AKR1C2: variants seen among roughly 807,000 people sequenced by gnomAD.
AKR1C2 encodes the protein aldo-keto reductase family 1 member C2.
A neutral mutation model predicts 39.8 loss-of-function variants in AKR1C2; 27 were observed. The ratio of observed to expected loss-of-function variants is 0.68; its 90% confidence interval spans 0.50 to 0.93. The LOEUF is 0.93. AKR1C2 is among the 40% of genes least tolerant of loss of function. The pLI, the probability that AKR1C2 is intolerant of heterozygous loss-of-function variation, is 0.00. For synonymous variants in AKR1C2, 114 were observed against 137.9 expected (o/e 0.83, Z 1.22); for missense variants, 263 against 365.1 (o/e 0.72, Z 2.28).
intron 1 of AKR1C2, among the ~76,000 whole-genome samples, chr10:5,016,083 G>A (rs1413952274): frequency 1.3e-5 from 2 of 152,154 alleles, no homozygotes; most frequent in Non-Finnish European, 2.9e-5. Context: ...TTCCCCAACA[G>A]TGGGAACTAG....
chr10:4,993,325 C>A (rs1554772467), intron 7 of AKR1C2, among the ~76,000 whole-genome samples: 1 of 151,912 alleles, frequency 6.6e-6, no homozygotes, highest in African/African-American at 2.4e-5. Context: ...GGAAGAGAGG[C>A]CAGATAATTG....
chr10:5,008,929 G>A, upstream of AKR1C2, among the ~76,000 whole-genome samples: 1 of 152,178 alleles, frequency 6.6e-6, no homozygotes, highest in Non-Finnish European at 1.5e-5. Flanking sequence ...GGTTCTATGT[G>A]AACAAAAAGG....
chr10:5,010,962 C>G (rs1188432051), intron 1 of AKR1C2, among the ~76,000 whole-genome samples: 1 of 150,182 alleles, frequency 6.7e-6, no homozygotes, highest in East Asian at 2.0e-4. Flanking sequence ...GGAACTCAGA[C>G]TAAGATTTCA....
rs1239521782 is a variant in AKR1C2 at position 4,989,092 on chromosome 10, G to A, written c.*904C>T. On this transcript the variant is annotated 3_prime_UTR_variant, in exon 9 of 9. Coordinates refer to ENST00000380753, the MANE Select transcript of AKR1C2 (RefSeq NM_001393392.1). Reference sequence around the variant, plus strand: ...TAAAGTATAAAACATTTAAAAGATTGCATATAACAAATGAACAGTACATTT... The same window carrying A: ...TAAAGTATAAAACATTTAAAAGATTACATATAACAAATGAACAGTACATTT... 6.6e-6 allele frequency: 1 copy of A among 152,062 alleles called. No homozygotes were observed. The highest frequency in any genetic ancestry group is 1.5e-5 in the Non-Finnish European group (1 of 68,020). The allele number at this position is 152,062 out of a possible 1,614,324, so 9.4% of individuals were successfully genotyped here.
chr10:5,010,253 C>T (rs1293354496), intron 1 of AKR1C2: 1 of 151,828 alleles, frequency 6.6e-6, no homozygotes, highest in Non-Finnish European at 1.5e-5. Context: ...CATCTCCATG[C>T]TCCCCCTCCC....
chr10:4,989,405 T>C lies in AKR1C2; in HGVS notation c.*591A>G, dbSNP rs1474354643. ...TAGCCTTCCCATACCTGACTTCTAATCACTTTTCCTGGTGCCCTCCCATCT... is the reference window on the plus strand; with the variant it reads ...TAGCCTTCCCATACCTGACTTCTAACCACTTTTCCTGGTGCCCTCCCATCT... On this transcript the variant is annotated 3_prime_UTR_variant, in exon 9 of 9. Coordinates refer to ENST00000380753, the MANE Select transcript of AKR1C2 (RefSeq NM_001393392.1). 2 of 151,548 alleles carry C rather than the reference T, an allele frequency of 1.3e-5. No individual in the cohort carries two copies. The highest frequency in any genetic ancestry group is 2.9e-5 in the Non-Finnish European group (2 of 67,988). 9.4% of individuals were successfully genotyped at this position (151,548 alleles called of 1,614,324 possible). A position where few individuals can be genotyped will look rare whatever the true frequency, so the allele number is the denominator to read the frequency against.
intron 1 of AKR1C2, among the ~76,000 whole-genome samples, chr10:5,016,244 C>G (rs1311678529): frequency 5.3e-5 from 8 of 152,184 alleles, no homozygotes; most frequent in Admixed American, 6.5e-5. Flanking sequence ...AGCATTAGCT[C>G]AAAAGTCCAA....
intron 5 of AKR1C2, 134 bp from the exon 6 acceptor site, chr10:4,995,999 T>C: frequency 9.3e-7 from 1 of 1,075,092 alleles, no homozygotes; most frequent in East Asian, 3.0e-5. Context: ...AAAATGATCT[T>C]TTTCATAAAA....
At chr10:4,993,490 A>G (rs1398629777) in intron 7 of AKR1C2, among the ~76,000 whole-genome samples, 2 of 152,178 alleles carry the variant, frequency 1.3e-5, no homozygotes, top group African/African-American at 4.8e-5. Flanking sequence ...AGTCATACCC[A>G]TTAGAATTAA....
intron 1 of AKR1C2, among the ~76,000 whole-genome samples, chr10:5,009,624 C>A (rs1455698100): frequency 6.7e-6 from 1 of 148,484 alleles, no homozygotes; most frequent in Non-Finnish European, 1.5e-5. Context: ...AGGCCCCCAC[C>A]TTTAAGCCTG....
chr10:5,013,452 A>G (rs1227672292), intron 1 of AKR1C2: 1 of 163,632 alleles, frequency 6.1e-6, no homozygotes, highest in Non-Finnish European at 1.4e-5. Flanking sequence ...GAAGTATGTG[A>G]AGAGCACAAA....
In AKR1C2 at chr10:5,001,669, T is replaced by C. The variant is rs782084981; in HGVS notation, c.97A>G (p.Lys33Glu). 6.2e-7 allele frequency: 1 copy of C among 1,613,820 alleles called. No homozygotes were observed. Among genetic ancestry groups the C allele is most frequent in the African/African-American group, 1.3e-5 (1 of 75,036 alleles). ...GCCAATTTGACGGCCTCTAGAGCTTTACTTTTAGGAACCTGGGGGAGCAAC... is the reference window on the plus strand; with the variant it reads ...GCCAATTTGACGGCCTCTAGAGCTTCACTTTTAGGAACCTGGGGGAGCAAC... ...TYAPAEVPKS[K>E]ALEAVKLAIE... Residue 33 changes from lysine to glutamate, a missense_variant, in exon 2 of 9, where the codon AAA (lysine) becomes GAA (glutamate). Transcript: ENST00000380753.
intron 1 of AKR1C2, 55 bp from the exon 2 acceptor site, chr10:5,001,736 C>G: frequency 6.2e-7 from 1 of 1,607,382 alleles, no homozygotes; most frequent in Non-Finnish European, 8.5e-7. Context: ...AGAGTTAGTT[C>G]GGGCACAAGC....
At chr10:5,013,715 C>G (rs1310709921) in intron 1 of AKR1C2, 1 of 152,098 alleles carries the variant, frequency 6.6e-6, no homozygotes, top group Non-Finnish European at 1.5e-5. Context: ...ATATGTATAA[C>G]ATACAATTCA....
At position 4,998,849 on chromosome 10, in the gene AKR1C2, T is replaced by C. The variant is rs1468952186; in HGVS notation, c.448-102A>G. ...AGCAACAACTGTCTAGACGTGACAA[T>C]CAAACTAGCTAGCCGTGGTTCTTAA... On this transcript the variant is annotated intron_variant, in intron 4 of 8. Transcript: ENST00000380753. The C allele has an allele frequency of 6.5e-6, 10 of 1,530,420 alleles. No individual in the cohort carries two copies. The African/African-American group carries it at 1.2e-4, about 19-fold the overall frequency. 94.8% of individuals were successfully genotyped at this position (1,530,420 alleles called of 1,614,324 possible).
At chr10:5,015,503 A>G (rs1305522374) in intron 1 of AKR1C2, among the ~76,000 whole-genome samples, 1 of 152,090 alleles carries the variant, frequency 6.6e-6, no homozygotes, top group African/African-American at 2.4e-5. Flanking sequence ...TACCCTCCCT[A>G]ACACAGACTC....
chr10:4,999,352 T>A, intron 3 of AKR1C2, 75 bp from the exon 4 acceptor site: 1 of 1,599,162 alleles, frequency 6.3e-7, no homozygotes, highest in Non-Finnish European at 8.5e-7. Context: ...GAGGTACATT[T>A]AAGGACACTA....
At chr10:4,997,012 G>T (rs2131687065) in intron 5 of AKR1C2, among the ~76,000 whole-genome samples, 1 of 152,162 alleles carries the variant, frequency 6.6e-6, no homozygotes, top group African/African-American at 2.4e-5. Context: ...TCCCCCAGCA[G>T]ATTACTAGTA....
At chr10:5,007,919 A>G (rs1414052560), upstream of AKR1C2, among the ~76,000 whole-genome samples, 1 of 151,168 alleles carries the variant, frequency 6.6e-6, no homozygotes, top group Non-Finnish European at 1.5e-5. Flanking sequence ...CCGACAGGGC[A>G]GAAATTAAAT....
Sources: allele counts gnomAD v4.1 joint callset (sites outside exome capture counted in the v4.1 genomes callset), GRCh38; gene constraint gnomAD v4.1.1; transcripts MANE v1.5; gene names NCBI Gene and HGNC (gene_info 2026-07-23, HGNC 2026-07-21).